ECT2L: variants seen among roughly 807,000 people sequenced by gnomAD.
ECT2L encodes the protein epithelial cell-transforming sequence 2 oncogene-like.
Under a neutral mutation model 122.8 loss-of-function variants are expected in ECT2L, and 126 were observed. The ratio of observed to expected loss-of-function variants is 1.03; its 90% CI spans 0.89 to 1.19. The LOEUF (loss-of-function observed/expected upper bound fraction) is 1.19. Ranked by LOEUF, ECT2L falls within the 50% of genes most tolerant of loss-of-function variation. ECT2L has a pLI of 0.00. For synonymous variants in ECT2L, 385 were observed against 381.8 expected (o/e 1.01, Z -0.10); for missense variants, 1,012 against 1,064.1 (o/e 0.95, Z 0.68).
intron 11 of ECT2L, among the ~76,000 whole-genome samples, chr6:138,863,760 C>T (rs183317288): frequency 1.4e-4 from 21 of 151,796 alleles, no homozygotes; most frequent in Admixed American, 5.9e-4. Flanking sequence ...GGACTACAGG[C>T]ATGTGCCACC....
At chr6:138,816,059 A>G (rs1481014270) in intron 4 of ECT2L, among the ~76,000 whole-genome samples, 1 of 152,212 alleles carries the variant, frequency 6.6e-6, no homozygotes, top group Non-Finnish European at 1.5e-5. Flanking sequence ...CCTTCAGTCA[A>G]TGTTGAAAAA....
chr6:138,801,474 A>G (rs961722145), intron 1 of ECT2L, among the ~76,000 whole-genome samples: 1 of 152,324 alleles, frequency 6.6e-6, no homozygotes, highest in East Asian at 1.9e-4. Flanking sequence ...CACAGAGGCC[A>G]GGTGCGGTGG....
At position 138,843,218 on chromosome 6, in the gene ECT2L, T is replaced by C. The variant is rs764592019; in HGVS notation, c.582T>C (p.Ile194=). 1.9e-6 allele frequency: 3 copies of C among 1,608,202 alleles called. No homozygotes were observed. The highest frequency in any genetic ancestry group is 2.2e-5 in the South Asian group (2 of 90,314). The part of the protein sequence containing the change: ...KCLRKRIWEK[I]ALRKKELFKV... The stretch of plus-strand genomic sequence containing the variant: ...TGAGGAAAAGAATTTGGGAGAAAAT[T>C]GCACTACGTAAGAGTAAGTAGCATT... The change falls in exon 6 of 22, where the codon ATT becomes ATC. Residue 194 remains isoleucine, a synonymous_variant. Transcript: ENST00000541398.
At chr6:138,885,851 T>C in intron 18 of ECT2L, 21 bp downstream of exon 18, 1 of 1,607,050 alleles carries the variant, frequency 6.2e-7, no homozygotes, top group Non-Finnish European at 8.5e-7. Flanking sequence ...GATAAGAATC[T>C]GTGTCCTTTA....
In ECT2L at chr6:138,881,052, T is replaced by C; in HGVS notation, c.1761T>C (p.Ile587=). Residue 587 remains isoleucine, a synonymous_variant, in exon 15 of 22, where the codon ATT becomes ATC. Transcript: ENST00000541398. ...SERKYVQILE[I]VRDVYVAPLK... is the part of the protein sequence containing the mutation. Reference sequence around the variant, plus strand: ...GAAAATACGTGCAGATACTGGAAATTGTGAGAGATGTTTATGTCGCACCAC... The same window carrying C: ...GAAAATACGTGCAGATACTGGAAATCGTGAGAGATGTTTATGTCGCACCAC... 1 of 1,614,152 alleles carries C rather than the reference T, an allele frequency of 6.2e-7. No homozygotes were observed. The highest frequency in any genetic ancestry group is 8.5e-7 in the Non-Finnish European group (1 of 1,180,026).
chr6:138,902,584 T>C lies in ECT2L; in HGVS notation c.2672T>C (p.Leu891Pro). ...TEIEDDKFLW[L>P]SVLRNAIKSS... is the part of the protein sequence containing the mutation. The stretch of plus-strand genomic sequence containing the variant: ...ATAGAGGATGATAAGTTCCTATGGC[T>C]GTCAGTACTTCGAAATGCAATCAAA... Residue 891 changes from leucine (L) to proline (P), a missense_variant, in exon 22 of 22, where the codon CTG becomes CCG. Physicochemically the swap from Leu to Pro is moderately conservative, Grantham distance 98. Transcript: ENST00000541398. 6.2e-7 allele frequency: 1 copy of C among 1,613,982 alleles called. No individual in the cohort carries two copies. The highest frequency in any genetic ancestry group is 8.5e-7 in the Non-Finnish European group (1 of 1,179,924).
chr6:138,803,798 C>T (rs1255988067), intron 1 of ECT2L, among the ~76,000 whole-genome samples: 2 of 152,174 alleles, frequency 1.3e-5, no homozygotes, highest in Non-Finnish European at 2.9e-5. Flanking sequence ...TAAAATTGTT[C>T]CTAATATGAT....
At chr6:138,897,657 G>A (rs1192308652) in intron 20 of ECT2L, among the ~76,000 whole-genome samples, 2 of 152,180 alleles carry the variant, frequency 1.3e-5, no homozygotes, top group African/African-American at 2.4e-5. Context: ...AGTTTTTCTA[G>A]ATAAAAATTA....
chr6:138,864,329 C>G lies in ECT2L; in HGVS notation c.1292-667C>G, dbSNP rs187631289. The stretch of plus-strand genomic sequence containing the variant: ...AGAGCAAGACTGTCTCAAACAGAAA[C>G]AAAAACATGTTGTGAACCTTTTCAC... On this transcript the variant is annotated intron_variant, in intron 11 of 21. Coordinates refer to ENST00000541398, the MANE Select transcript of ECT2L (RefSeq NM_001077706.3). Among the ~76,000 whole-genome samples the G allele has an allele frequency of 3.3e-5, 5 of 152,156 alleles. No individual in the cohort carries two copies. The East Asian group carries it at 9.7e-4, about 29-fold the overall frequency.
intron 12 of ECT2L, 88 bp from the exon 13 acceptor site, chr6:138,868,015 A>AAG: frequency 1.2e-6 from 1 of 834,210 alleles, no homozygotes; most frequent in African/African-American, 1.8e-5. Context: ...AAAAAAAAAA[A>AAG]AAAAGAAACT....
At chr6:138,861,488 G>T (rs574369013) in intron 10 of ECT2L, among the ~76,000 whole-genome samples, 1 of 152,204 alleles carries the variant, frequency 6.6e-6, no homozygotes, top group Non-Finnish European at 1.5e-5. Flanking sequence ...CAGTGATGAT[G>T]AGCTTTTTTT....
At chr6:138,854,331 A>G (rs1377562450) in intron 10 of ECT2L, among the ~76,000 whole-genome samples, 177 bp downstream of exon 10, 1 of 152,208 alleles carries the variant, frequency 6.6e-6, no homozygotes, top group Non-Finnish European at 1.5e-5. Flanking sequence ...AGGGATAGTG[A>G]TGAAAGTAAC....
chr6:138,880,912 T>C (rs1289661700), intron 14 of ECT2L, 45 bp from the exon 15 acceptor site: 1 of 1,563,604 alleles, frequency 6.4e-7, no homozygotes, highest in Non-Finnish European at 8.8e-7. Context: ...GCTCAGCACT[T>C]CTACTTCTCC....
At chr6:138,807,669 A>T (rs1355265794) in intron 1 of ECT2L, among the ~76,000 whole-genome samples, 1 of 152,234 alleles carries the variant, frequency 6.6e-6, no homozygotes, top group Non-Finnish European at 1.5e-5. Context: ...ACCATCCCAA[A>T]ATTTAATGGC....
chr6:138,884,659 A>T (rs189403688), intron 16 of ECT2L, among the ~76,000 whole-genome samples: 142 of 152,254 alleles, frequency 9.3e-4, no homozygotes, highest in African/African-American at 3.2e-3. Context: ...AAACAAAAAA[A>T]ATATATTAAG....
chr6:138,885,651 T>C, intron 17 of ECT2L, 23 bp from the exon 18 acceptor site: 2 of 1,613,844 alleles, frequency 1.2e-6, no homozygotes, highest in Non-Finnish European at 1.7e-6. Flanking sequence ...AGACCAGAGC[T>C]CCCTTCTCTA....
intron 3 of ECT2L, among the ~76,000 whole-genome samples, chr6:138,814,256 C>A (rs1413333006): frequency 6.6e-6 from 1 of 152,192 alleles, no homozygotes; most frequent in Non-Finnish European, 1.5e-5. Context: ...AATTACATCA[C>A]TGCCAGTCTT....
chr6:138,874,387 T>G (rs1778368475), intron 13 of ECT2L, among the ~76,000 whole-genome samples: 1 of 152,176 alleles, frequency 6.6e-6, no homozygotes, highest in Admixed American at 6.5e-5. Context: ...GAATCTAAAA[T>G]TAAGCTGTAA....
At chr6:138,879,030 G>C (rs144364205) in intron 14 of ECT2L, 1 of 163,026 alleles carries the variant, frequency 6.1e-6, no homozygotes, top group African/African-American at 2.4e-5. Flanking sequence ...GCGTAAAATA[G>C]CAAGTTCTCT....
Sources: gnomAD v4.1 joint callset for allele counts (sites outside exome capture counted in the v4.1 genomes callset) on GRCh38, gnomAD v4.1.1 for gene constraint, MANE v1.5 for transcripts, NCBI Gene and HGNC (gene_info 2026-07-23, HGNC 2026-07-21) for gene names.